Variants in ADGRL3 observed in about 807,000 individuals in gnomAD.
The protein encoded by ADGRL3 is adhesion G protein-coupled receptor L3, also known as calcium-independent alpha-latrotoxin receptor 3.
In ADGRL3, 62 loss-of-function variants were observed where a neutral mutation model predicts 153.5. That is an observed-to-expected ratio of 0.40 (90% CI 0.33 to 0.50). The LOEUF (loss-of-function observed/expected upper bound fraction) is 0.50, where lower values mean the gene tolerates loss of function less well. ADGRL3 is among the 20% of genes least tolerant of loss of function. The pLI is 0.47. For synonymous variants in ADGRL3, 710 were observed against 672.5 expected, an observed-to-expected ratio of 1.06 and a Z score of -0.86; for missense variants, 1,641 against 1,859.4, an observed-to-expected ratio of 0.88 and a Z score of 2.16.
chr4:61,437,294 T>G (rs1320956013), intron 2 of ADGRL3, among the ~76,000 whole-genome samples: 1 of 152,190 alleles, frequency 6.6e-6, no homozygotes, highest in African/African-American at 2.4e-5. Context: ...AAAAAAAATT[T>G]AGGCTACCTG....
chr4:61,261,820 C>G (rs1505677), intron 1 of ADGRL3, among the ~76,000 whole-genome samples: 1 of 151,860 alleles, frequency 6.6e-6, no homozygotes, highest in South Asian at 2.1e-4. Context: ...CTAAATTGAC[C>G]TCTGAAAAAT....
intron 21 of ADGRL3, among the ~76,000 whole-genome samples, chr4:62,019,094 CA>C (rs1241120453): frequency 6.6e-6 from 1 of 152,160 alleles, no homozygotes; most frequent in Non-Finnish European, 1.5e-5. Context: ...TCTCACTATT[CA>C]CAGGTAATTA....
At chr4:61,392,747 GA>G (rs1195023379) in intron 2 of ADGRL3, among the ~76,000 whole-genome samples, 1 of 123,380 alleles carries the variant, frequency 8.1e-6, no homozygotes, top group Non-Finnish European at 1.8e-5. Flanking sequence ...AGTCTCATGA[GA>G]AAATATTTAC....
intron 21 of ADGRL3, among the ~76,000 whole-genome samples, chr4:62,000,156 A>C (rs1216295530): frequency 6.6e-6 from 1 of 151,804 alleles, no homozygotes. Flanking sequence ...TTATGTATTT[A>C]AATACTATCA....
chr4:61,325,914 C>T (rs1181768437), intron 1 of ADGRL3, among the ~76,000 whole-genome samples: 1 of 152,062 alleles, frequency 6.6e-6, no homozygotes, highest in Non-Finnish European at 1.5e-5. Context: ...TATTAGAACT[C>T]ATTACATTCA....
Position 61,850,631 on chromosome 4 carries a change from C to G in ADGRL3, c.1480+36742C>G, listed in dbSNP as rs141690628. On this transcript the variant is annotated intron_variant, in intron 9 of 26. Transcript: ENST00000683033. ...AACGACAGCATAAAAACATTATTCTCTGGGATCTTTTCTAAACAGCATTTT... is the reference window on the plus strand; with the variant it reads ...AACGACAGCATAAAAACATTATTCTGTGGGATCTTTTCTAAACAGCATTTT... Among the ~76,000 whole-genome samples the G allele has an allele frequency of 7.5e-3, 1,135 of 152,252 alleles. 7 individuals carry two copies. The highest frequency in any genetic ancestry group is 0.011 in the Admixed American group (168 of 15,286).
At chr4:61,912,663 T>G in intron 12 of ADGRL3, 56 bp from the exon 13 acceptor site, 1 of 1,466,384 alleles carries the variant, frequency 6.8e-7, no homozygotes, top group East Asian at 2.3e-5. Context: ...TGTTTTCTTC[T>G]GTCACTAACT....
At chr4:61,229,457 G>T (rs1430673018) in intron 1 of ADGRL3, among the ~76,000 whole-genome samples, 1 of 151,802 alleles carries the variant, frequency 6.6e-6, no homozygotes, top group African/African-American at 2.4e-5. Flanking sequence ...GGCTAGCAAG[G>T]ATTTTTTTTA....
chr4:61,343,090 G>A (rs564975375), intron 1 of ADGRL3, among the ~76,000 whole-genome samples: 16 of 152,162 alleles, frequency 1.1e-4, no homozygotes, highest in African/African-American at 3.6e-4. Flanking sequence ...AGAACAGTAT[G>A]GAGAAACTGC....
At chr4:61,784,484 C>T (rs1405823316) in intron 8 of ADGRL3, among the ~76,000 whole-genome samples, 1 of 152,084 alleles carries the variant, frequency 6.6e-6, no homozygotes, top group Non-Finnish European at 1.5e-5. Context: ...ATGAATCAAA[C>T]ACATTCAGTC....
Position 61,587,277 on chromosome 4 carries a change from T to A in ADGRL3, c.310T>A (p.Cys104Ser). Residue 104 changes from cysteine (C) to serine (S), a missense_variant, in exon 5 of 27, where the codon TGT becomes AGT. Coordinates refer to ENST00000683033, the MANE Select transcript of ADGRL3 (RefSeq NM_001387552.1). ...PMAVVRRELS[C>S]ESYPIELRCP... ...GGCTGTGGTCCGCAGAGAGCTATCC[T>A]GTGAGAGCTATCCTATAGAGCTTCG... 6.2e-7 allele frequency: 1 copy of A among 1,610,730 alleles called. No individual in the cohort carries two copies. The highest frequency in any genetic ancestry group is 8.5e-7 in the Non-Finnish European group (1 of 1,178,282).
In ADGRL3 at chr4:61,229,914, A is replaced by G. The variant is rs555367613; in HGVS notation, c.-240+28149A>G. Among the ~76,000 whole-genome samples the G allele has an allele frequency of 9.2e-5, 14 of 151,834 alleles. No individual in the cohort carries two copies. In the South Asian group the frequency reaches 2.9e-3, roughly 32 times the overall value. The stretch of plus-strand genomic sequence containing the variant: ...AGACCCTGTTCTTAAATATATATAT[A>G]TATACACACATATATGTATATACAT... On this transcript the variant is annotated intron_variant, in intron 1 of 26. Coordinates refer to ENST00000683033, the MANE Select transcript of ADGRL3 (RefSeq NM_001387552.1).
rs1233378162 is a variant in ADGRL3, at chr4:62,071,644, A to T, written c.*736A>T. The stretch of plus-strand genomic sequence containing the variant: ...AGTCCTGTTAATGTAGTAGAAAAAA[A>T]AAAAAGAAATTTTCTTTTTCTTTTG... On this transcript the variant is annotated 3_prime_UTR_variant, in exon 27 of 27. Coordinates refer to ENST00000683033, the MANE Select transcript of ADGRL3 (RefSeq NM_001387552.1). The T allele has an allele frequency of 2.6e-6, 1 of 380,926 alleles. No individual in the cohort carries two copies. Among genetic ancestry groups the T allele is most frequent in the Non-Finnish European group, 5.0e-6 (1 of 198,634 alleles). The allele number at this position is 380,926 out of a possible 1,614,324, so 23.6% of individuals were successfully genotyped here. A position where few individuals can be genotyped will look rare whatever the true frequency, so the allele number is the denominator to read the frequency against.
intron 6 of ADGRL3, among the ~76,000 whole-genome samples, chr4:61,704,685 T>C (rs2095826338): frequency 6.6e-6 from 1 of 152,210 alleles, no homozygotes; most frequent in Non-Finnish European, 1.5e-5. Context: ...TTTGATACCA[T>C]TCGATCCACA....
intron 6 of ADGRL3, among the ~76,000 whole-genome samples, chr4:61,713,963 TC>T (rs1008362197): frequency 1.3e-5 from 2 of 152,120 alleles, no homozygotes; most frequent in Non-Finnish European, 2.9e-5. Context: ...TTTCTCTTTC[TC>T]CATTCCCAGG....
At chr4:61,244,846 T>C (rs1184730111) in intron 1 of ADGRL3, among the ~76,000 whole-genome samples, 2 of 151,940 alleles carry the variant, frequency 1.3e-5, no homozygotes, top group Non-Finnish European at 2.9e-5. Context: ...TTCTGTTCCA[T>C]CTTTCTGCTT....
At chr4:61,814,301 T>G (rs1251377691) in intron 9 of ADGRL3, among the ~76,000 whole-genome samples, 1 of 151,968 alleles carries the variant, frequency 6.6e-6, no homozygotes, top group African/African-American at 2.4e-5. Context: ...AAGTAATATT[T>G]TATTATTATT....
chr4:61,965,722 G>C (rs529987749), intron 17 of ADGRL3, among the ~76,000 whole-genome samples: 10 of 152,090 alleles, frequency 6.6e-5, no homozygotes, highest in Admixed American at 6.5e-5. Flanking sequence ...CTGCACTCCA[G>C]TCTGGGCGAC....
intron 9 of ADGRL3, among the ~76,000 whole-genome samples, chr4:61,814,664 A>G (rs2097667707): frequency 1.3e-5 from 2 of 152,190 alleles, no homozygotes; most frequent in South Asian, 4.1e-4. Context: ...ATTAAAACTC[A>G]TGAGGTCTGA....
Sources: allele counts gnomAD v4.1 joint callset (sites outside exome capture counted in the v4.1 genomes callset), GRCh38; gene constraint gnomAD v4.1.1; transcripts MANE v1.5; gene names NCBI Gene and HGNC (gene_info 2026-07-23, HGNC 2026-07-21).